The following CCDC60 variants were observed in gnomAD, a reference collection of about 807,000 sequenced individuals.
CCDC60 encodes coiled-coil domain-containing protein 60.
In CCDC60, 54 loss-of-function variants were observed where a neutral mutation model predicts 63.5. The observed-to-expected ratio is 0.85, with a 90% confidence interval of 0.68 to 1.07. The LOEUF is 1.07. Among genes scored for constraint, CCDC60 ranks in the 50% least tolerant of loss-of-function variants. The pLI is 0.00. For missense variants in CCDC60, 651 were observed against 684.3 expected, an observed-to-expected ratio of 0.95 and a Z score of 0.54; for synonymous variants, 206 against 238.8, an observed-to-expected ratio of 0.86 and a Z score of 1.27.
intron 2 of CCDC60, among the ~76,000 whole-genome samples, chr12:119,462,287 C>T (rs986661168): frequency 2.0e-5 from 3 of 152,122 alleles, no homozygotes; most frequent in African/African-American, 7.2e-5. Context: ...AAGTCTCTTC[C>T]TATTTGCAGC....
At chr12:119,363,829 A>G (rs1001434683) in intron 1 of CCDC60, among the ~76,000 whole-genome samples, 1 of 152,130 alleles carries the variant, frequency 6.6e-6, no homozygotes, top group Non-Finnish European at 1.5e-5. Context: ...CTTTTATTGG[A>G]GACAGAATTG....
chr12:119,537,016 G>A (rs945827249), intron 13 of CCDC60, among the ~76,000 whole-genome samples: 18 of 152,110 alleles, frequency 1.2e-4, no homozygotes, highest in African/African-American at 3.9e-4. Flanking sequence ...TTTCCAACTT[G>A]GTTCCATTCT....
At chr12:119,445,824 A>G (rs1950533337) in intron 2 of CCDC60, among the ~76,000 whole-genome samples, 1 of 152,200 alleles carries the variant, frequency 6.6e-6, no homozygotes, top group African/African-American at 2.4e-5. Context: ...TTCGAAGTGG[A>G]GTAACTCAGG....
chr12:119,454,298 T>C (rs971562135), intron 2 of CCDC60, among the ~76,000 whole-genome samples: 8 of 152,216 alleles, frequency 5.3e-5, no homozygotes, highest in Non-Finnish European at 1.2e-4. Context: ...GGGATAATAG[T>C]ACTTACTTCA....
intron 1 of CCDC60, among the ~76,000 whole-genome samples, chr12:119,384,496 T>C (rs749416040): frequency 3.3e-5 from 5 of 152,194 alleles, no homozygotes; most frequent in African/African-American, 4.8e-5. Flanking sequence ...TTGGAGTCAG[T>C]GTCAGCCCCA....
rs369458272 is a variant in CCDC60, at chr12:119,410,889, C to T, written c.91-17794C>T. Among the ~76,000 whole-genome samples the T allele has an allele frequency of 7.9e-4, 119 of 151,314 alleles. No individual in the cohort carries two copies. The highest frequency in any genetic ancestry group is 4.4e-3 in the South Asian group (21 of 4,720). Reference sequence around the variant, plus strand: ...TTCTGAGTAGCTGGGACTACAGGCACGCACCACTACACTCAGCTAATTTTT... The same window carrying T: ...TTCTGAGTAGCTGGGACTACAGGCATGCACCACTACACTCAGCTAATTTTT... On this transcript the variant is annotated intron_variant, in intron 1 of 13. Coordinates refer to ENST00000327554, the MANE Select transcript of CCDC60 (RefSeq NM_178499.5). This position sits in a 1 kb window ranked among gnomAD's most constrained non-coding sequence, Gnocchi z 4.0.
chr12:119,455,709 C>G (rs1950716314), intron 2 of CCDC60, among the ~76,000 whole-genome samples: 1 of 146,532 alleles, frequency 6.8e-6, no homozygotes, highest in Admixed American at 7.0e-5. Context: ...GTATGGACAA[C>G]AGAGCAAGAC....
At chr12:119,363,161 A>C (rs1177105779) in intron 1 of CCDC60, among the ~76,000 whole-genome samples, 1 of 152,244 alleles carries the variant, frequency 6.6e-6, no homozygotes, top group Non-Finnish European at 1.5e-5. Context: ...TCAGCCATGT[A>C]TGAGAGCTCC....
At chr12:119,395,612 G>GGCAGGGACAAAGACCCAAACCATA (rs1956238105) in intron 1 of CCDC60, among the ~76,000 whole-genome samples, 1 of 152,166 alleles carries the variant, frequency 6.6e-6, no homozygotes, top group African/African-American at 2.4e-5. Context: ...ATGAAATTTG[G>GGCAGGGACAAAGACCCAAACCATA]GCAGGGACAA....
At chr12:119,416,842 C>T (rs1187969112) in intron 1 of CCDC60, among the ~76,000 whole-genome samples, 1 of 152,092 alleles carries the variant, frequency 6.6e-6, no homozygotes, top group South Asian at 2.1e-4. Context: ...GATTCCCGGC[C>T]GGTCGACGTG....
At chr12:119,514,677 A>G (rs1045189991) in intron 7 of CCDC60, among the ~76,000 whole-genome samples, 7 of 152,198 alleles carry the variant, frequency 4.6e-5, no homozygotes, top group Non-Finnish European at 1.0e-4. Context: ...AAAGTACAGT[A>G]AGCTAAGTTT....
chr12:119,533,401 G>A (rs1952913717), intron 13 of CCDC60, among the ~76,000 whole-genome samples: 1 of 152,136 alleles, frequency 6.6e-6, no homozygotes, highest in African/African-American at 2.4e-5. Flanking sequence ...TTCTTTTGCT[G>A]TGCAGAAGCT....
intron 1 of CCDC60, among the ~76,000 whole-genome samples, chr12:119,398,052 A>G (rs1462492992): frequency 8.8e-3 from 152 of 17,194 alleles, no homozygotes; most frequent in South Asian, 0.02. Context: ...GCGGGGGGGG[A>G]GGAAGGGGGT....
chr12:119,397,700 C>G (rs1379369130), intron 1 of CCDC60, among the ~76,000 whole-genome samples: 1 of 130,628 alleles, frequency 7.7e-6, no homozygotes, highest in Non-Finnish European at 1.6e-5. Flanking sequence ...CCGGCCAGTC[C>G]CACCCCGCTG....
intron 4 of CCDC60, among the ~76,000 whole-genome samples, chr12:119,487,880 C>T (rs1320162814): frequency 6.6e-6 from 1 of 152,142 alleles, no homozygotes; most frequent in Non-Finnish European, 1.5e-5. Context: ...CTCACTCTGT[C>T]ACCCAGACTG....
chr12:119,441,747 G>A (rs1004959745), intron 2 of CCDC60, among the ~76,000 whole-genome samples: 18 of 152,148 alleles, frequency 1.2e-4, no homozygotes, highest in African/African-American at 2.4e-4. Flanking sequence ...CAGTATCTGC[G>A]TAGTATTTAT....
At chr12:119,353,516 TTCTC>T (rs903359018) in intron 1 of CCDC60, among the ~76,000 whole-genome samples, 11 of 151,546 alleles carry the variant, frequency 7.3e-5, no homozygotes, top group Admixed American at 1.3e-4. Flanking sequence ...CTGTCTGTAT[TTCTC>T]TCTCTCTGTC....
chr12:119,488,295 C>T (rs1283464364), intron 4 of CCDC60, among the ~76,000 whole-genome samples: 1 of 152,150 alleles, frequency 6.6e-6, no homozygotes, highest in Non-Finnish European at 1.5e-5. Flanking sequence ...AGTTTCCAGA[C>T]TTTTTACACA....
intron 8 of CCDC60, among the ~76,000 whole-genome samples, chr12:119,517,666 C>G (rs748976042): frequency 1.1e-4 from 17 of 152,082 alleles, no homozygotes; most frequent in Non-Finnish European, 2.1e-4. Context: ...CAAAAGGGAC[C>G]ACAACACCTT....
Sources: allele counts gnomAD v4.1 joint callset (sites outside exome capture counted in the v4.1 genomes callset), GRCh38; gene constraint gnomAD v4.1.1; non-coding constraint Gnocchi (gnomAD v3.1); transcripts MANE v1.5; gene names NCBI Gene and HGNC (gene_info 2026-07-23, HGNC 2026-07-21).